Variants in RHCE observed in about 807,000 individuals in gnomAD.
RHCE encodes the protein Rh blood group CcEe antigens, also known as blood group Rh(CE) polypeptide.
In RHCE, 22 loss-of-function variants were observed where a neutral mutation model predicts 43.8. The observed-to-expected ratio is 0.50, with a 90% CI of 0.36 to 0.72. The LOEUF is 0.72. Among genes scored for constraint, RHCE ranks in the 30% least tolerant of loss-of-function variants. The pLI, the probability that RHCE is intolerant of heterozygous loss-of-function variation, is 0.00. For missense variants in RHCE, 385 were observed against 525.4 expected (o/e 0.73, Z 2.61); for synonymous variants, 156 against 210.7 (o/e 0.74, Z 2.25).
At chr1:25,406,307 T>C (rs1270633445) in intron 2 of RHCE, among the ~76,000 whole-genome samples, 2 of 119,614 alleles carry the variant, frequency 1.7e-5, no homozygotes, top group African/African-American at 5.1e-5. Context: ...AACTCTAAGA[T>C]GGTTTTTGTT....
intron 3 of RHCE, among the ~76,000 whole-genome samples, chr1:25,395,775 C>A (rs1646517218): frequency 6.6e-6 from 1 of 152,148 alleles, no homozygotes; most frequent in South Asian, 2.1e-4. Flanking sequence ...AAAGCTTTTC[C>A]TTACAGGAGA....
intron 1 of RHCE, chr1:25,411,223 T>C (rs1400828527): frequency 1.5e-6 from 2 of 1,340,726 alleles, no homozygotes; most frequent in African/African-American, 2.9e-5. Context: ...ACCTGAGAGG[T>C]TTCTGGGACA....
intron 2 of RHCE, among the ~76,000 whole-genome samples, chr1:25,428,580 A>G (rs761647346): frequency 1.8e-4 from 27 of 152,364 alleles, no homozygotes; most frequent in Middle Eastern, 3.4e-3. Context: ...TATACTGCTA[A>G]CAGCAGTTAC....
chr1:25,416,937 A>G (rs72660929), intron 1 of RHCE, among the ~76,000 whole-genome samples: 14,513 of 145,578 alleles, frequency 0.1, 1,005 homozygotes, highest in Non-Finnish European at 0.15. Flanking sequence ...TTAATTAACT[A>G]TTACAGAACT....
intron 7 of RHCE, among the ~76,000 whole-genome samples, chr1:25,385,063 C>G (rs1646109695): frequency 6.6e-6 from 1 of 152,142 alleles, no homozygotes; most frequent in East Asian, 1.9e-4. Context: ...CACACAACAT[C>G]CAGGAAGTAA....
chr1:25,395,379 GTGTACAGAGATGTTAGA>G, intron 3 of RHCE, among the ~76,000 whole-genome samples: 1 of 152,186 alleles, frequency 6.6e-6, no homozygotes, highest in Non-Finnish European at 1.5e-5. Flanking sequence ...GAGAAAGCTG[GTGTACAGAGATGTTAGA>G]TGTACAGAGA....
Position 25,385,830 on chromosome 1 carries a change from T to C in RHCE, c.954A>G (p.Arg318=). Residue 318 remains arginine, a synonymous_variant, in exon 7 of 10, where the codon CGA becomes CGG. Coordinates refer to ENST00000294413, the MANE Select transcript of RHCE (RefSeq NM_020485.8). The stretch of plus-strand genomic sequence containing the variant: ...CGGAGATGTGGTGAATCCCCAGCAC[T>C]CGGTTACAACACACCTGTGGACAAG... The part of the protein sequence containing the change: ...GAKCLPVCCN[R]VLGIHHISVM... 4 of 1,613,968 alleles carry C rather than the reference T, an allele frequency of 2.5e-6. No homozygotes were observed. The African/African-American group carries it at 5.3e-5, about 22-fold the overall frequency.
intron 9 of RHCE, 81 bp downstream of exon 9, chr1:25,370,386 A>C (rs974080634): frequency 1.1e-5 from 14 of 1,222,722 alleles, no homozygotes; most frequent in Non-Finnish European, 1.6e-5. Context: ...ACTCATAAAC[A>C]GCAAGTCAAC....
At chr1:25,417,820 T>C (rs1217965292) in intron 1 of RHCE, among the ~76,000 whole-genome samples, 2 of 152,118 alleles carry the variant, frequency 1.3e-5, no homozygotes, top group Non-Finnish European at 2.9e-5. Context: ...AGCCCTCGGG[T>C]CAATACTACA....
At chr1:25,415,482 G>C (rs1485556254) in intron 1 of RHCE, among the ~76,000 whole-genome samples, 3 of 151,430 alleles carry the variant, frequency 2.0e-5, no homozygotes, top group Non-Finnish European at 4.4e-5. Flanking sequence ...GAGAAACCCC[G>C]TCTCTACTAA....
intron 7 of RHCE, among the ~76,000 whole-genome samples, chr1:25,376,703 A>C (rs1645798491): frequency 1.3e-5 from 2 of 152,184 alleles, no homozygotes; most frequent in South Asian, 4.1e-4. Flanking sequence ...TCATGAGGTC[A>C]GGAGATGGAG....
chr1:25,362,599 C>T, intron 9 of RHCE, 46 bp from the exon 10 acceptor site: 1 of 1,350,390 alleles, frequency 7.4e-7, no homozygotes, highest in Non-Finnish European at 1.0e-6. Flanking sequence ...AACCCACATA[C>T]TGATTTTGGC....
At chr1:25,428,284 C>T (rs760025440) in intron 2 of RHCE, among the ~76,000 whole-genome samples, 9 of 152,204 alleles carry the variant, frequency 5.9e-5, no homozygotes, top group Non-Finnish European at 1.2e-4. Context: ...TCTGGGGTTC[C>T]CATGGAGGCT....
intron 1 of RHCE, among the ~76,000 whole-genome samples, chr1:25,412,586 C>A (rs1200935050): frequency 6.6e-6 from 1 of 151,932 alleles, no homozygotes; most frequent in Non-Finnish European, 1.5e-5. Flanking sequence ...GTGGCAAGTG[C>A]CTGTAGTCCC....
At chr1:25,410,195 C>A (rs570439145) in intron 1 of RHCE, among the ~76,000 whole-genome samples, 1 of 152,058 alleles carries the variant, frequency 6.6e-6, no homozygotes, top group East Asian at 1.9e-4. Flanking sequence ...CAGGGCCTGG[C>A]CTACAGCCAA....
At chr1:25,417,702 A>G (rs1647674088) in intron 1 of RHCE, among the ~76,000 whole-genome samples, 1 of 152,214 alleles carries the variant, frequency 6.6e-6, no homozygotes, top group Non-Finnish European at 1.5e-5. Context: ...CCTAATTTGT[A>G]TGTATTTATT....
At chr1:25,391,888 C>G in intron 4 of RHCE, 106 bp downstream of exon 4, 1 of 1,506,290 alleles carries the variant, frequency 6.6e-7, no homozygotes, top group Non-Finnish European at 9.2e-7. Flanking sequence ...GGGCTTCAGA[C>G]ACCCAGGGGA....
At chr1:25,370,283 C>T (rs1645568829) in intron 9 of RHCE, among the ~76,000 whole-genome samples, 184 bp downstream of exon 9, 1 of 151,536 alleles carries the variant, frequency 6.6e-6, no homozygotes, top group South Asian at 2.1e-4. Context: ...TACCACCTCC[C>T]CGCCACCCTC....
At chr1:25,409,733 G>A (rs1394582823) in intron 1 of RHCE, among the ~76,000 whole-genome samples, 1 of 139,604 alleles carries the variant, frequency 7.2e-6, no homozygotes, top group African/African-American at 2.5e-5. Context: ...TTTCCTAAGC[G>A]TTTACCATGT....
Sources: gnomAD v4.1 joint callset for allele counts (sites outside exome capture counted in the v4.1 genomes callset) on GRCh38, gnomAD v4.1.1 for gene constraint, MANE v1.5 for transcripts, NCBI Gene and HGNC (gene_info 2026-07-23, HGNC 2026-07-21) for gene names.